The following DNAJC1 variants were observed in gnomAD, a reference collection of about 807,000 sequenced individuals.
The protein encoded by DNAJC1 is DnaJ heat shock protein family (Hsp40) member C1, also known as dnaJ homolog subfamily C member 1.
DNAJC1 carries 58 observed loss-of-function variants against 76.6 expected under a neutral mutation model. The observed-to-expected ratio is 0.76, with a 90% CI of 0.61 to 0.94. DNAJC1 has a LOEUF of 0.94. DNAJC1 is among the 40% of genes least tolerant of loss of function. The pLI is 0.00. For missense variants in DNAJC1, 689 were observed against 677.3 expected (o/e 1.02, Z -0.19); for synonymous variants, 258 against 267.9 (o/e 0.96, Z 0.36).
intron 1 of DNAJC1, among the ~76,000 whole-genome samples, chr10:21,962,459 C>CTTTTTTTTTTTTTTTTT (rs34817098): frequency 2.5e-5 from 1 of 39,890 alleles, no homozygotes; most frequent in Non-Finnish European, 4.0e-5. Context: ...TATTTTATTG[C>CTTTTTTTTTTTTTTTTT]TTTTTTTTTT....
chr10:21,976,795 T>C (rs1368128118), intron 1 of DNAJC1, among the ~76,000 whole-genome samples: 2 of 152,176 alleles, frequency 1.3e-5, no homozygotes, highest in African/African-American at 4.8e-5. Context: ...ACAGAGGCTA[T>C]GTTTAATGAC....
intron 8 of DNAJC1, among the ~76,000 whole-genome samples, chr10:21,868,128 C>T (rs796768153): frequency 6.5e-5 from 8 of 123,478 alleles, no homozygotes; most frequent in East Asian, 2.5e-4. Context: ...TGAAAATATT[C>T]TTTTTTTTTT....
At chr10:21,857,681 C>A (rs570624284) in intron 8 of DNAJC1, among the ~76,000 whole-genome samples, 2 of 152,176 alleles carry the variant, frequency 1.3e-5, no homozygotes, top group South Asian at 4.2e-4. Context: ...GTTGGTGAAA[C>A]CCCGTCTCTA....
At chr10:21,942,217 T>G (rs1837424748) in intron 1 of DNAJC1, among the ~76,000 whole-genome samples, 1 of 151,962 alleles carries the variant, frequency 6.6e-6, no homozygotes, top group Admixed American at 6.6e-5. Context: ...GAATTAAAGG[T>G]CAAAAGCAAG....
intron 8 of DNAJC1, among the ~76,000 whole-genome samples, chr10:21,808,056 A>T (rs1290817435): frequency 6.6e-6 from 1 of 152,190 alleles, no homozygotes; most frequent in South Asian, 2.1e-4. Context: ...AATTTAAATA[A>T]GCTTACAGTA....
At chr10:21,996,519 T>C (rs978369369) in intron 1 of DNAJC1, among the ~76,000 whole-genome samples, 9 of 152,214 alleles carry the variant, frequency 5.9e-5, no homozygotes, top group African/African-American at 2.2e-4. Context: ...CTAGGTAAAC[T>C]GGTAACCCAT....
At chr10:21,841,767 G>A (rs1835578361) in intron 8 of DNAJC1, among the ~76,000 whole-genome samples, 1 of 152,128 alleles carries the variant, frequency 6.6e-6, no homozygotes, top group Admixed American at 6.5e-5. Context: ...ATACCCAAAG[G>A]ATTATAAACC....
At chr10:21,759,913 T>C (rs145687020) in intron 10 of DNAJC1, among the ~76,000 whole-genome samples, 14 of 152,282 alleles carry the variant, frequency 9.2e-5, no homozygotes, top group African/African-American at 2.6e-4. Context: ...AAGAATCAGA[T>C]TGTGAACAAG....
intron 1 of DNAJC1, among the ~76,000 whole-genome samples, chr10:21,961,645 A>G (rs1446746596): frequency 6.6e-6 from 1 of 152,126 alleles, no homozygotes; most frequent in Non-Finnish European, 1.5e-5. Context: ...AAATTTTGGA[A>G]ATTTTGGATA....
rs1206047403 is a variant in DNAJC1 at position 21,813,204 on chromosome 10, CTCTCTCTCTCTCTCTCTATATATATA to C, written c.979-7131_979-7106del. On this transcript the variant is annotated intron_variant, in intron 8 of 11. Transcript: ENST00000376980. ...TCTCTCTCTCTCTCTCTCTCTCTCT[CTCTCTCTCTCTCTCTCTATATATATA>C]TATATATATATATACACATACAGCT... Among the ~76,000 whole-genome samples, 41 of 77,172 alleles carry C rather than the reference CTCTCTCTCTCTCTCTCTATATATATA, an allele frequency of 5.3e-4. 1 individual carries two copies. The East Asian group carries it at 5.6e-3, about 11-fold the overall frequency. The allele number at this position is 77,172 out of a possible 152,430, so 50.6% of individuals were successfully genotyped here.
chr10:21,930,542 G>A (rs1001276949), intron 1 of DNAJC1, among the ~76,000 whole-genome samples: 2 of 152,148 alleles, frequency 1.3e-5, no homozygotes, highest in Non-Finnish European at 2.9e-5. Flanking sequence ...AGTCTGTCAG[G>A]CTTGTCTTTA....
intron 9 of DNAJC1, among the ~76,000 whole-genome samples, chr10:21,790,685 C>T (rs1316632034): frequency 6.6e-6 from 1 of 151,956 alleles, no homozygotes; most frequent in Non-Finnish European, 1.5e-5. Flanking sequence ...TGATAATCAC[C>T]ATCATGAAAA....
chr10:21,904,595 A>G lies in DNAJC1; in HGVS notation c.747T>C (p.Tyr249=). The stretch of plus-strand genomic sequence containing the variant: ...TCAATCTTGTTTCTTTATATTTAGC[A>G]TAAAACTGCCCAGCATCCTTAAGAA... ...PHLIQDAGQF[Y]AKYKETRLKE... Residue 249 remains tyrosine, a synonymous_variant, in exon 7 of 12, where the codon TAT becomes TAC. Transcript: ENST00000376980. 6.2e-7 allele frequency: 1 copy of G among 1,605,070 alleles called. No individual in the cohort carries two copies. The highest frequency in any genetic ancestry group is 1.1e-5 in the South Asian group (1 of 88,870).
intron 1 of DNAJC1, among the ~76,000 whole-genome samples, chr10:21,935,419 C>T (rs965127421): frequency 1.6e-4 from 24 of 151,786 alleles, no homozygotes; most frequent in African/African-American, 5.3e-4. Context: ...AGATCAATAG[C>T]GATTACCTGA....
At chr10:21,961,470 T>C (rs1475919069) in intron 1 of DNAJC1, among the ~76,000 whole-genome samples, 5 of 152,036 alleles carry the variant, frequency 3.3e-5, no homozygotes, top group Admixed American at 1.3e-4. Flanking sequence ...ATAAGCCAGA[T>C]ACAAAAGGAC....
chr10:21,929,108 G>C lies in DNAJC1; in HGVS notation c.256C>G (p.Arg86Gly). 1 of 1,612,002 alleles carries C rather than the reference G, an allele frequency of 6.2e-7. No individual in the cohort carries two copies. The highest frequency in any genetic ancestry group is 8.5e-7 in the Non-Finnish European group (1 of 1,179,390). Residue 86 changes from arginine (R) to glycine (G), a missense_variant, in exon 2 of 12, where the codon CGT (arginine) becomes GGT (glycine). By Grantham distance (125) the Arg-to-Gly change is moderately radical. Coordinates refer to ENST00000376980, the MANE Select transcript of DNAJC1 (RefSeq NM_022365.4). The stretch of plus-strand genomic sequence containing the variant: ...GGATGTAAAGTTAGTGAAAGCTTAC[G>C]ATATGCTTTTCTGATGTCTGCAGAT... Reference protein sequence around the residue: ...ASSADIRKAYRKLSLTLHPDK... With the variant: ...ASSADIRKAYGKLSLTLHPDK...
intron 9 of DNAJC1, among the ~76,000 whole-genome samples, chr10:21,794,661 A>G (rs1002598600): frequency 1.3e-5 from 2 of 152,190 alleles, no homozygotes; most frequent in Non-Finnish European, 2.9e-5. Flanking sequence ...GGGTTAGGAA[A>G]AGTTCTTAGG....
At chr10:21,834,075 T>TAAC in intron 8 of DNAJC1, among the ~76,000 whole-genome samples, 1 of 151,844 alleles carries the variant, frequency 6.6e-6, no homozygotes, top group East Asian at 1.9e-4. Flanking sequence ...CCATCCTGGG[T>TAAC]AACACGGTGA....
At chr10:21,842,582 G>A (rs1056437870) in intron 8 of DNAJC1, among the ~76,000 whole-genome samples, 1 of 152,198 alleles carries the variant, frequency 6.6e-6, no homozygotes, top group Non-Finnish European at 1.5e-5. Flanking sequence ...TTATGGCAAG[G>A]TCCTGTAGAT....
Sources: gnomAD v4.1 joint callset for allele counts (sites outside exome capture counted in the v4.1 genomes callset) on GRCh38, gnomAD v4.1.1 for gene constraint, MANE v1.5 for transcripts, NCBI Gene and HGNC (gene_info 2026-07-23, HGNC 2026-07-21) for gene names.